MYT1: variants seen among roughly 807,000 people sequenced by gnomAD.
The protein encoded by MYT1 is myelin transcription factor 1.
A neutral mutation model predicts 123.0 loss-of-function variants in MYT1; 23 were observed. The ratio of observed to expected loss-of-function variants is 0.19; its 90% CI spans 0.13 to 0.26. The LOEUF (loss-of-function observed/expected upper bound fraction) is 0.26. Ranked by LOEUF, MYT1 falls within the 10% of genes least tolerant of loss-of-function variation. The pLI is 1.00. For synonymous variants in MYT1, 518 were observed against 575.3 expected (o/e 0.90, Z 1.43); for missense variants, 1,125 against 1,472.5 (o/e 0.76, Z 3.86).
intron 1 of MYT1, among the ~76,000 whole-genome samples, chr20:64,171,340 G>A (rs1382283230): frequency 1.3e-5 from 2 of 152,158 alleles, no homozygotes; most frequent in African/African-American, 4.8e-5. Context: ...AAAACAAAGG[G>A]ATTTGTTACT....
intron 1 of MYT1, among the ~76,000 whole-genome samples, chr20:64,182,735 G>A (rs980598698): frequency 6.6e-5 from 10 of 152,056 alleles, no homozygotes; most frequent in Non-Finnish European, 1.0e-4. Flanking sequence ...GGGTTGAGGC[G>A]CAGCGGTCCA....
intron 20 of MYT1, among the ~76,000 whole-genome samples, 196 bp downstream of exon 20, chr20:64,236,842 T>G (rs1254172301): frequency 6.6e-6 from 1 of 152,172 alleles, no homozygotes; most frequent in Non-Finnish European, 1.5e-5. Flanking sequence ...CACCTGTGTC[T>G]GGGGTCCCTG....
chr20:64,217,594 C>T (rs1983878177), intron 11 of MYT1, among the ~76,000 whole-genome samples: 1 of 152,244 alleles, frequency 6.6e-6, no homozygotes, highest in Non-Finnish European at 1.5e-5. Flanking sequence ...CAGAGCAACC[C>T]CACCAGCATG....
At chr20:64,221,785 T>C (rs1311934661) in intron 13 of MYT1, 108 bp from the exon 14 acceptor site, 7 of 1,148,082 alleles carry the variant, frequency 6.1e-6, no homozygotes, top group Non-Finnish European at 4.9e-6. Flanking sequence ...CTCCGGGAGA[T>C]GCTTCTGTGG....
Position 64,239,917 on chromosome 20 carries a change from G to C in MYT1, c.3237+14G>C. The stretch of plus-strand genomic sequence containing the variant: ...CTTCCGCACATGGTAGGCAGCACGC[G>C]GGCCTGCCGGCACCACAGCTACCCC... On this transcript the variant is annotated intron_variant, in intron 22 of 22. Coordinates refer to ENST00000328439, the MANE Select transcript of MYT1 (RefSeq NM_004535.3). 1 of 1,609,728 alleles carries C rather than the reference G, an allele frequency of 6.2e-7. No individual in the cohort carries two copies. The highest frequency in any genetic ancestry group is 1.3e-5 in the African/African-American group (1 of 75,032).
intron 2 of MYT1, among the ~76,000 whole-genome samples, chr20:64,197,363 C>T: frequency 6.6e-6 from 1 of 152,192 alleles, no homozygotes. Context: ...GTCTCTTTTT[C>T]TGGCTTTCAG....
At chr20:64,237,442 A>G (rs1171293440) in intron 21 of MYT1, 52 bp downstream of exon 21, 6 of 1,405,134 alleles carry the variant, frequency 4.3e-6, no homozygotes, top group African/African-American at 2.8e-5. Flanking sequence ...CAACCCAAAC[A>G]TTCGTCTTGG....
chr20:64,240,888 T>C lies in MYT1; in HGVS notation c.*440T>C, dbSNP rs1280266049. On this transcript the variant is annotated 3_prime_UTR_variant, in exon 23 of 23. Transcript: ENST00000328439. ...GAGGACACGCCTGGGGCAGCGTGTCTGTGCTCAGTGAGGGCCGATGAAGAA... is the reference window on the plus strand; with the variant it reads ...GAGGACACGCCTGGGGCAGCGTGTCCGTGCTCAGTGAGGGCCGATGAAGAA... The C allele has an allele frequency of 5.9e-6, 1 of 168,122 alleles. No homozygotes were observed. The highest frequency in any genetic ancestry group is 1.3e-5 in the Non-Finnish European group (1 of 77,768). 10.4% of individuals were successfully genotyped at this position (168,122 alleles called of 1,614,324 possible). A position where few individuals can be genotyped will look rare whatever the true frequency, so the allele number is the denominator to read the frequency against.
chr20:64,216,600 C>T (rs1333509644), intron 10 of MYT1, among the ~76,000 whole-genome samples: 2 of 152,228 alleles, frequency 1.3e-5, no homozygotes, highest in Admixed American at 6.5e-5. Flanking sequence ...ATACAACTAG[C>T]GTCTCCTGTA....
In MYT1 at chr20:64,168,039, C is replaced by T. The variant is rs1404397913; in HGVS notation, c.-99+3300C>T. Among the ~76,000 whole-genome samples, 1 of 152,210 alleles carries T rather than the reference C, an allele frequency of 6.6e-6. No homozygotes were observed. The highest frequency in any genetic ancestry group is 1.9e-4 in the East Asian group (1 of 5,194). On this transcript the variant is annotated intron_variant, in intron 1 of 22. Coordinates refer to ENST00000328439, the MANE Select transcript of MYT1 (RefSeq NM_004535.3). The surrounding 1 kb of genome is among the most constrained non-coding windows in gnomAD (Gnocchi z 6.1). ...CCCCACTGGGGAGCCCACTGCCCAG[C>T]CCGGAGTGTCTGCTGGAGGCCTGGG...
chr20:64,199,886 TC>T lies in MYT1; in HGVS notation c.56-3del, dbSNP rs761081358. The T allele has an allele frequency of 6.2e-7, 1 of 1,614,124 alleles. No individual in the cohort carries two copies. The highest frequency in any genetic ancestry group is 8.5e-7 in the Non-Finnish European group (1 of 1,179,960). ...CATGTTTTCCCTGTTTCTGTCTTTT[TC>T]CCAGGACCCCCAGAGACCACAGCTG... On this transcript the variant is annotated splice_polypyrimidine_tract_variant and splice_region_variant and intron_variant, in intron 3 of 22. Transcript: ENST00000328439.
chr20:64,211,915 C>A, intron 8 of MYT1, 133 bp from the exon 9 acceptor site: 1 of 727,264 alleles, frequency 1.4e-6, no homozygotes, highest in African/African-American at 1.7e-5. Context: ...GTTGCTGTGT[C>A]CCCCACCTGC....
chr20:64,199,925 A>G lies in MYT1; in HGVS notation c.86+3A>G. 1.2e-6 allele frequency: 2 copies of G among 1,613,966 alleles called. No individual in the cohort carries two copies. Among genetic ancestry groups the G allele is most frequent in the Non-Finnish European group, 1.7e-6 (2 of 1,179,852 alleles). On this transcript the variant is annotated splice_donor_region_variant and intron_variant, in intron 4 of 22. Coordinates refer to ENST00000328439, the MANE Select transcript of MYT1 (RefSeq NM_004535.3). Reference sequence around the variant, plus strand: ...GAGACCACAGCTGCAGACCTCAGGTAAGGAAGTCTTCCTGTTAGCACCAAG... The same window carrying G: ...GAGACCACAGCTGCAGACCTCAGGTGAGGAAGTCTTCCTGTTAGCACCAAG...
chr20:64,216,559 G>A (rs867402818), intron 10 of MYT1, among the ~76,000 whole-genome samples: 3 of 152,196 alleles, frequency 2.0e-5, no homozygotes, highest in Non-Finnish European at 4.4e-5. Context: ...GTCAGGCCTG[G>A]CCCTGAGGCC....
chr20:64,222,383 C>A (rs1379673576), intron 14 of MYT1, among the ~76,000 whole-genome samples: 1 of 152,206 alleles, frequency 6.6e-6, no homozygotes, highest in Non-Finnish European at 1.5e-5. Context: ...CACCCAGAGG[C>A]CTGGCCCTCT....
chr20:64,237,901 C>G (rs1318864840), intron 21 of MYT1, among the ~76,000 whole-genome samples: 1 of 152,104 alleles, frequency 6.6e-6, no homozygotes, highest in Non-Finnish European at 1.5e-5. Flanking sequence ...TCAGTCAATT[C>G]CTCCATAAAA....
intron 4 of MYT1, among the ~76,000 whole-genome samples, chr20:64,201,302 G>T (rs1476943880): frequency 1.3e-5 from 2 of 152,170 alleles, no homozygotes; most frequent in African/African-American, 2.4e-5. Context: ...TAAGTGAGGG[G>T]TTCTGTGAGC....
Position 64,202,732 on chromosome 20 carries a change from A to AT in MYT1, c.87-2302dup, listed in dbSNP as rs1983362278. On this transcript the variant is annotated intron_variant, in intron 4 of 22. Coordinates refer to ENST00000328439, the MANE Select transcript of MYT1 (RefSeq NM_004535.3). This position sits in a 1 kb window ranked among gnomAD's most constrained non-coding sequence, Gnocchi z 5.0. ...CAAGTTTGGGTCCCTCAGAGCTGTC[A>AT]TGCAGGATGCCAGCTGAGGGGTGAC... is the stretch of plus-strand genomic sequence containing the variant. Among the ~76,000 whole-genome samples, 1 of 152,174 alleles carries AT rather than the reference A, an allele frequency of 6.6e-6. No individual in the cohort carries two copies. Among genetic ancestry groups the AT allele is most frequent in the African/African-American group, 2.4e-5 (1 of 41,436 alleles).
At chr20:64,176,596 G>A (rs576526060) in intron 1 of MYT1, among the ~76,000 whole-genome samples, 2 of 152,360 alleles carry the variant, frequency 1.3e-5, no homozygotes, top group South Asian at 4.1e-4. Context: ...TGCTGGACTG[G>A]GGTCACAGCA....
Sources: gnomAD v4.1 joint callset for allele counts (sites outside exome capture counted in the v4.1 genomes callset) on GRCh38, gnomAD v4.1.1 for gene constraint, Gnocchi (gnomAD v3.1) non-coding constraint, MANE v1.5 for transcripts, NCBI Gene and HGNC (gene_info 2026-07-23, HGNC 2026-07-21) for gene names.